RANBP17: variants seen among roughly 807,000 people sequenced by gnomAD.
The protein encoded by RANBP17 is ran-binding protein 17.
RANBP17 carries 158 observed loss-of-function variants against 141.2 expected under a neutral mutation model. The ratio of observed to expected loss-of-function variants is 1.12; its 90% confidence interval spans 0.98 to 1.28. RANBP17 has a LOEUF of 1.28. RANBP17 is among the 50% of genes most tolerant of loss of function. The probability of loss-of-function intolerance (pLI) is 0.00; values close to 1 mark genes in which losing one functional copy is unlikely to be tolerated. For synonymous variants in RANBP17, 430 were observed against 450.0 expected, an observed-to-expected ratio of 0.96 and a Z score of 0.56; for missense variants, 1,438 against 1,290.7, an observed-to-expected ratio of 1.11 and a Z score of -1.75.
At chr5:170,938,187 A>T (rs186864301) in intron 12 of RANBP17, among the ~76,000 whole-genome samples, 60 of 152,324 alleles carry the variant, frequency 3.9e-4, no homozygotes, top group Non-Finnish European at 8.8e-5. Flanking sequence ...ATCAATGATG[A>T]AATTCGTGAC....
chr5:170,998,564 T>C (rs1393096201), intron 14 of RANBP17, among the ~76,000 whole-genome samples: 4 of 152,192 alleles, frequency 2.6e-5, no homozygotes, highest in African/African-American at 9.6e-5. Flanking sequence ...AATACATCGT[T>C]AAGCCCTTCT....
intron 14 of RANBP17, among the ~76,000 whole-genome samples, chr5:171,054,070 T>C (rs1264496036): frequency 1.3e-5 from 2 of 151,874 alleles, no homozygotes; most frequent in African/African-American, 4.8e-5. Context: ...ATTCTAGCTA[T>C]CTTTTAGTTA....
At chr5:171,274,603 G>A (rs936691583) in intron 25 of RANBP17, among the ~76,000 whole-genome samples, 6 of 152,056 alleles carry the variant, frequency 3.9e-5, no homozygotes, top group Non-Finnish European at 5.9e-5. Flanking sequence ...TAACATTGTA[G>A]CCATAAGAAT....
At chr5:171,117,829 TTTGTTGTTGTTGTTGTTGTTGTTG>T (rs57307801) in intron 14 of RANBP17, among the ~76,000 whole-genome samples, 1 of 147,450 alleles carries the variant, frequency 6.8e-6, no homozygotes, top group Non-Finnish European at 1.5e-5. Flanking sequence ...TATGTGGGGT[TTTGTTGTTGTTGTTGTTGTTGTTG>T]TTGTTGTTGT....
At chr5:171,028,065 A>C (rs1781329687) in intron 14 of RANBP17, among the ~76,000 whole-genome samples, 1 of 152,100 alleles carries the variant, frequency 6.6e-6, no homozygotes, top group Non-Finnish European at 1.5e-5. Flanking sequence ...TTGAAATTCC[A>C]GGCTTTCCCA....
At chr5:170,986,876 T>G (rs933048525) in intron 14 of RANBP17, among the ~76,000 whole-genome samples, 3 of 151,882 alleles carry the variant, frequency 2.0e-5, no homozygotes, top group African/African-American at 7.2e-5. Context: ...AACACTTGAA[T>G]AAGGAAATAG....
chr5:171,057,198 C>T (rs1339448068), intron 14 of RANBP17, among the ~76,000 whole-genome samples: 1 of 152,104 alleles, frequency 6.6e-6, no homozygotes, highest in Non-Finnish European at 1.5e-5. Flanking sequence ...AAACTGAGTA[C>T]CACTTTAACT....
intron 3 of RANBP17, among the ~76,000 whole-genome samples, chr5:170,883,862 A>G (rs781280169): frequency 2.6e-5 from 4 of 152,216 alleles, no homozygotes; most frequent in Non-Finnish European, 4.4e-5. Flanking sequence ...ACTGAAGGGC[A>G]TCTTGGTTGC....
intron 14 of RANBP17, among the ~76,000 whole-genome samples, chr5:171,028,067 G>T (rs1003434446): frequency 6.6e-6 from 1 of 151,748 alleles, no homozygotes; most frequent in Non-Finnish European, 1.5e-5. Flanking sequence ...GAAATTCCAG[G>T]CTTTCCCATG....
chr5:171,233,882 A>C (rs960786600), intron 22 of RANBP17, among the ~76,000 whole-genome samples: 6 of 152,230 alleles, frequency 3.9e-5, no homozygotes, highest in Non-Finnish European at 7.3e-5. Context: ...GATGTAAACT[A>C]TGACATTGAC....
chr5:171,228,071 A>G (rs1763985531), intron 22 of RANBP17, among the ~76,000 whole-genome samples: 1 of 152,204 alleles, frequency 6.6e-6, no homozygotes, highest in African/African-American at 2.4e-5. Flanking sequence ...CAGCCCATGG[A>G]TCAAGGAGTA....
chr5:170,902,513 C>T (rs1770727192), intron 5 of RANBP17, among the ~76,000 whole-genome samples: 1 of 152,184 alleles, frequency 6.6e-6, no homozygotes, highest in Non-Finnish European at 1.5e-5. Context: ...TCTGAAGCCT[C>T]CTTCTGTCAG....
At chr5:171,184,662 T>TTAG (rs1761113247) in intron 18 of RANBP17, among the ~76,000 whole-genome samples, 1 of 152,184 alleles carries the variant, frequency 6.6e-6, no homozygotes, top group Admixed American at 6.5e-5. Flanking sequence ...CATTTGTCAA[T>TTAG]TAGTTAGATT....
intron 25 of RANBP17, among the ~76,000 whole-genome samples, chr5:171,280,353 C>T (rs1161599072): frequency 6.6e-6 from 1 of 152,198 alleles, no homozygotes; most frequent in Non-Finnish European, 1.5e-5. Context: ...TCTCAGCTCA[C>T]TGTGACCTCT....
At chr5:170,955,684 A>ACT in intron 13 of RANBP17, among the ~76,000 whole-genome samples, 1 of 118,444 alleles carries the variant, frequency 8.4e-6, no homozygotes, top group South Asian at 2.6e-4. Flanking sequence ...ATATATATAC[A>ACT]CTGAATGAAC....
chr5:170,918,988 T>C, intron 10 of RANBP17, 129 bp downstream of exon 10: 1 of 486,462 alleles, frequency 2.1e-6, no homozygotes, highest in Non-Finnish European at 3.3e-6. Flanking sequence ...CATTACAGGG[T>C]TTTAGGTAAA....
chr5:170,868,417 TTTGTTG>T (rs371693546), intron 1 of RANBP17, among the ~76,000 whole-genome samples: 34 of 151,510 alleles, frequency 2.2e-4, no homozygotes, highest in African/African-American at 6.3e-4. Context: ...CCTGGCTGAT[TTTGTTG>T]TTGTTGTTGT....
At chr5:171,061,665 G>C (rs936001327) in intron 14 of RANBP17, among the ~76,000 whole-genome samples, 1 of 152,252 alleles carries the variant, frequency 6.6e-6, no homozygotes, top group African/African-American at 2.4e-5. Flanking sequence ...GAGTTCTGTA[G>C]GTGTCTATTA....
chr5:170,966,991 C>A (rs112519550), intron 13 of RANBP17, among the ~76,000 whole-genome samples: 4,031 of 152,056 alleles, frequency 0.027, 161 homozygotes, highest in African/African-American at 0.091. Context: ...TTACAAGGGA[C>A]GTGAAGGACC....
Sources: gnomAD v4.1 joint callset for allele counts (sites outside exome capture counted in the v4.1 genomes callset) on GRCh38, gnomAD v4.1.1 for gene constraint, MANE v1.5 for transcripts, NCBI Gene and HGNC (gene_info 2026-07-23, HGNC 2026-07-21) for gene names.